Variants in LY86 observed in about 807,000 individuals in gnomAD.
The protein encoded by LY86 is lymphocyte antigen 86.
Under a neutral mutation model 17.3 loss-of-function variants are expected in LY86, and 20 were observed. That is an observed-to-expected ratio of 1.15 (90% CI 0.81 to 1.68). LY86 has a LOEUF of 1.68. Among genes scored for constraint, LY86 ranks in the 40% most tolerant of loss-of-function variants. The probability of loss-of-function intolerance (pLI) is 0.00; values close to 1 mark genes in which losing one functional copy is unlikely to be tolerated. For synonymous variants in LY86, 74 were observed against 70.6 expected (o/e 1.05, Z -0.24); for missense variants, 200 against 191.9 (o/e 1.04, Z -0.25).
At chr6:6,605,500 T>C (rs564277404) in intron 1 of LY86, among the ~76,000 whole-genome samples, 75 of 152,358 alleles carry the variant, frequency 4.9e-4, no homozygotes, top group African/African-American at 1.6e-3. Context: ...CAGAGATCAG[T>C]GCCTTGCCAT....
At chr6:6,613,112 C>A (rs1390378720) in intron 1 of LY86, among the ~76,000 whole-genome samples, 2 of 152,096 alleles carry the variant, frequency 1.3e-5, no homozygotes, top group Admixed American at 6.5e-5. Context: ...ATTCACAAAC[C>A]CTGAGCTAGA....
chr6:6,612,377 A>G (rs1009809268), intron 1 of LY86, among the ~76,000 whole-genome samples: 3 of 152,216 alleles, frequency 2.0e-5, no homozygotes, highest in African/African-American at 7.2e-5. Context: ...TTGGAGTGTT[A>G]ATCATTTATT....
At position 6,635,880 on chromosome 6, in the gene LY86, T is replaced by C. The variant is rs957646756; in HGVS notation, c.352+9459T>C. ...TGCCATTATTATCCCCACTGTCATTTTGTAGCTGCAGGCAGCATGTTACCA... is the reference window on the plus strand; with the variant it reads ...TGCCATTATTATCCCCACTGTCATTCTGTAGCTGCAGGCAGCATGTTACCA... On this transcript the variant is annotated intron_variant, in intron 3 of 4. Transcript: ENST00000230568. Among the ~76,000 whole-genome samples the C allele has an allele frequency of 2.0e-5, 3 of 152,350 alleles. No homozygotes were observed. In the East Asian group the frequency reaches 5.8e-4, roughly 29 times the overall value.
chr6:6,648,088 C>T (rs994314106), intron 3 of LY86, among the ~76,000 whole-genome samples: 3 of 151,934 alleles, frequency 2.0e-5, no homozygotes, highest in Non-Finnish European at 2.9e-5. Flanking sequence ...ATCTTCCTGG[C>T]CCCCACTCTC....
intron 1 of LY86, chr6:6,622,656 C>T (rs942288696): frequency 6.6e-6 from 1 of 152,180 alleles, no homozygotes; most frequent in South Asian, 2.1e-4. Flanking sequence ...GCTGAAATTG[C>T]CTAGTGATCA....
Position 6,654,809 on chromosome 6 carries a change from TGTAATGAAG to T in LY86, c.*183_*191del. 1 of 589,742 alleles carries T rather than the reference TGTAATGAAG, an allele frequency of 1.7e-6. No homozygotes were observed. Among genetic ancestry groups the T allele is most frequent in the Non-Finnish European group, 3.0e-6 (1 of 331,782 alleles). The allele number at this position is 589,742 out of a possible 1,614,324, so 36.5% of individuals were successfully genotyped here. A position where few individuals can be genotyped will look rare whatever the true frequency, so the allele number is the denominator to read the frequency against. Reference sequence around the variant, plus strand: ...ACCAGACATCCCCAGACTCCACAGATGTAATGAAGTCCCCGAATGTATCTGTTTCTAAGG... The same window carrying T: ...ACCAGACATCCCCAGACTCCACAGATTCCCCGAATGTATCTGTTTCTAAGG... On this transcript the variant is annotated 3_prime_UTR_variant, in exon 5 of 5. Coordinates refer to ENST00000230568, the MANE Select transcript of LY86 (RefSeq NM_004271.4).
intron 1 of LY86, among the ~76,000 whole-genome samples, chr6:6,606,785 C>A (rs573720553): frequency 2.2e-4 from 34 of 152,372 alleles, no homozygotes; most frequent in Non-Finnish European, 3.8e-4. Flanking sequence ...GCGCGCAGCC[C>A]GGGTTCCCGC....
chr6:6,632,415 T>C (rs1055930279), intron 3 of LY86, among the ~76,000 whole-genome samples: 19 of 152,178 alleles, frequency 1.2e-4, no homozygotes, highest in African/African-American at 4.6e-4. Flanking sequence ...AAATAAGATA[T>C]GTGATGTGTC....
chr6:6,623,283 A>G (rs893802876), intron 1 of LY86, among the ~76,000 whole-genome samples: 1 of 152,184 alleles, frequency 6.6e-6, no homozygotes, highest in Non-Finnish European at 1.5e-5. Flanking sequence ...GAGCTGAGAC[A>G]CAGGCTGCTA....
At chr6:6,653,099 G>A (rs949806940) in intron 4 of LY86, among the ~76,000 whole-genome samples, 4 of 152,098 alleles carry the variant, frequency 2.6e-5, no homozygotes, top group Non-Finnish European at 5.9e-5. Context: ...AATATTTGAG[G>A]AGTGTGACTC....
chr6:6,610,163 A>G (rs984198474), intron 1 of LY86, among the ~76,000 whole-genome samples: 9 of 152,188 alleles, frequency 5.9e-5, no homozygotes, highest in African/African-American at 2.2e-4. Context: ...GCGTGTGAAA[A>G]CCGCTAAAAC....
intron 3 of LY86, among the ~76,000 whole-genome samples, chr6:6,638,329 T>C (rs979259866): frequency 6.6e-6 from 1 of 152,276 alleles, no homozygotes; most frequent in African/African-American, 2.4e-5. Context: ...TAAATTAATT[T>C]CACTTATTTC....
In LY86 at chr6:6,653,475, C is replaced by G. The variant is rs998349628; in HGVS notation, c.406-1069C>G. Among the ~76,000 whole-genome samples, 4 of 152,194 alleles carry G rather than the reference C, an allele frequency of 2.6e-5. No individual in the cohort carries two copies. The East Asian group carries it at 7.7e-4, about 29-fold the overall frequency. ...CGTGTCTACAAACACATCACCGCTC[C>G]GTGGCTGCTGGGGTGCAGGACTGGG... On this transcript the variant is annotated intron_variant, in intron 4 of 4. Transcript: ENST00000230568.
At chr6:6,605,891 C>CA (rs1227033419) in intron 1 of LY86, among the ~76,000 whole-genome samples, 3 of 148,152 alleles carry the variant, frequency 2.0e-5, no homozygotes, top group African/African-American at 5.3e-5. Context: ...GCGGTGGGTT[C>CA]TTAGTCTCGC....
intron 3 of LY86, among the ~76,000 whole-genome samples, chr6:6,627,599 A>G (rs990045063): frequency 1.3e-5 from 2 of 152,160 alleles, no homozygotes; most frequent in Non-Finnish European, 2.9e-5. Context: ...GTAGGGTCAT[A>G]TCACCTTTGT....
chr6:6,613,819 T>C (rs1581242595), intron 1 of LY86, among the ~76,000 whole-genome samples: 1 of 152,324 alleles, frequency 6.6e-6, no homozygotes, highest in Non-Finnish European at 1.5e-5. Context: ...CCCCTTACTT[T>C]CCCTGCCTGA....
At chr6:6,645,444 G>T (rs1039503180) in intron 3 of LY86, among the ~76,000 whole-genome samples, 5 of 152,144 alleles carry the variant, frequency 3.3e-5, no homozygotes, top group Admixed American at 1.3e-4. Flanking sequence ...CAAAAGCTGA[G>T]TTGCAGGATG....
chr6:6,640,253 T>G (rs964886317), intron 3 of LY86, among the ~76,000 whole-genome samples: 2 of 151,984 alleles, frequency 1.3e-5, no homozygotes, highest in African/African-American at 4.8e-5. Flanking sequence ...CAGCTTCTAT[T>G]AGGAATAAAA....
intron 1 of LY86, among the ~76,000 whole-genome samples, chr6:6,601,145 A>C (rs776034957): frequency 6.6e-6 from 1 of 152,116 alleles, no homozygotes; most frequent in Non-Finnish European, 1.5e-5. Context: ...GTCAATAACA[A>C]AAACAATGAA....
Sources: gnomAD v4.1 joint callset for allele counts (sites outside exome capture counted in the v4.1 genomes callset) on GRCh38, gnomAD v4.1.1 for gene constraint, MANE v1.5 for transcripts, NCBI Gene and HGNC (gene_info 2026-07-23, HGNC 2026-07-21) for gene names.